NCALD: variants seen among roughly 807,000 people sequenced by gnomAD.
The protein encoded by NCALD is neurocalcin delta, also known as neurocalcin-delta.
A neutral mutation model predicts 18.6 loss-of-function variants in NCALD; 10 were observed. The observed-to-expected ratio is 0.54, with a 90% CI of 0.33 to 0.91. The LOEUF is 0.91. Ranked by LOEUF, NCALD falls within the 40% of genes least tolerant of loss-of-function variation. The pLI, the probability that NCALD is intolerant of heterozygous loss-of-function variation, is 0.03. For synonymous variants in NCALD, 88 were observed against 87.4 expected (o/e 1.01, Z -0.04); for missense variants, 184 against 247.6 (o/e 0.74, Z 1.72).
chr8:102,006,523 G>A (rs547707554), intron 2 of NCALD, among the ~76,000 whole-genome samples: 10 of 152,142 alleles, frequency 6.6e-5, no homozygotes, highest in African/African-American at 1.4e-4. Context: ...CTCTGTGCCC[G>A]GGAACAGTAT....
chr8:101,921,711 C>G (rs1818171310), intron 2 of NCALD, among the ~76,000 whole-genome samples: 1 of 152,132 alleles, frequency 6.6e-6, no homozygotes, highest in African/African-American at 2.4e-5. Context: ...TAATTTATTT[C>G]TAGTTCCAAC....
chr8:101,870,925 G>A (rs1402632677), intron 4 of NCALD, among the ~76,000 whole-genome samples: 4 of 114,454 alleles, frequency 3.5e-5, no homozygotes, highest in African/African-American at 1.1e-4. Context: ...AAGAGAGAAC[G>A]TTCATGAGTT....
intron 2 of NCALD, among the ~76,000 whole-genome samples, chr8:102,011,001 A>T (rs976611063): frequency 5.3e-5 from 8 of 152,198 alleles, no homozygotes; most frequent in African/African-American, 1.9e-4. Context: ...ACACAAGAGA[A>T]ATGTCACGTC....
intron 1 of NCALD, among the ~76,000 whole-genome samples, chr8:102,111,586 C>G (rs530315032): frequency 2.0e-5 from 3 of 152,216 alleles, no homozygotes; most frequent in Admixed American, 2.0e-4. Flanking sequence ...AAAGGAACCC[C>G]AGCCAGAGCA....
chr8:101,930,089 C>T (rs7839949), intron 2 of NCALD, among the ~76,000 whole-genome samples: 1 of 151,664 alleles, frequency 6.6e-6, no homozygotes, highest in African/African-American at 2.4e-5. Flanking sequence ...AAAAATTATG[C>T]TTACAAAATT....
chr8:102,013,302 T>C (rs897807489), intron 2 of NCALD, among the ~76,000 whole-genome samples: 1 of 152,186 alleles, frequency 6.6e-6, no homozygotes, highest in Non-Finnish European at 1.5e-5. Flanking sequence ...ATCAAAGTAA[T>C]AGGAGATGTC....
intron 1 of NCALD, among the ~76,000 whole-genome samples, chr8:101,745,668 G>A (rs117954899): frequency 4.6e-5 from 7 of 152,162 alleles, no homozygotes; most frequent in African/African-American, 1.7e-4. Context: ...ACAATCACCT[G>A]CAATGTGATA....
Position 101,909,280 on chromosome 8 carries a change from A to C in NCALD, c.-107+6529T>G, listed in dbSNP as rs1308696461. 3.3e-5 allele frequency among the ~76,000 whole-genome samples: 5 copies of C among 152,150 alleles called. No individual in the cohort carries two copies. In the South Asian group the frequency reaches 8.3e-4, roughly 25 times the overall value. ...GTAATTTTGTCTTTTGACAGGTTCC[A>C]CTCATACTTTTCAGCACTCCTCAGC... On this transcript the variant is annotated intron_variant, in intron 3 of 6. Transcript: ENST00000311028.
At chr8:101,738,291 C>A (rs1342504620) in intron 1 of NCALD, among the ~76,000 whole-genome samples, 1 of 152,144 alleles carries the variant, frequency 6.6e-6, no homozygotes, top group African/African-American at 2.4e-5. Context: ...TGCCTGTAAT[C>A]CCAGCACTTT....
intron 1 of NCALD, among the ~76,000 whole-genome samples, chr8:101,742,863 C>G (rs1223341933): frequency 1.3e-5 from 2 of 152,074 alleles, no homozygotes; most frequent in East Asian, 3.9e-4. Context: ...GTTGTTCCCC[C>G]TCCCCTGTGT....
At chr8:101,943,833 C>T (rs146925045) in intron 2 of NCALD, among the ~76,000 whole-genome samples, 2 of 151,848 alleles carry the variant, frequency 1.3e-5, no homozygotes, top group African/African-American at 4.8e-5. Context: ...CTCAGTTACT[C>T]GGGAGGCTGA....
chr8:101,851,833 T>G (rs1421916225), intron 4 of NCALD, among the ~76,000 whole-genome samples: 2 of 152,156 alleles, frequency 1.3e-5, no homozygotes. Context: ...TCTCAATATG[T>G]CCTTCCAAAA....
chr8:102,012,112 G>A (rs926845789), intron 2 of NCALD, among the ~76,000 whole-genome samples: 5 of 151,848 alleles, frequency 3.3e-5, no homozygotes, highest in Non-Finnish European at 7.4e-5. Flanking sequence ...TCCACACTGG[G>A]AATGCAGAAT....
chr8:102,090,503 G>A lies in NCALD; in HGVS notation c.-210+33734C>T, dbSNP rs200512722. Among the ~76,000 whole-genome samples, 13 of 152,140 alleles carry A rather than the reference G, an allele frequency of 8.5e-5. No individual in the cohort carries two copies. In the South Asian group the frequency reaches 1.0e-3, roughly 12 times the overall value. On this transcript the variant is annotated intron_variant, in intron 1 of 6. Coordinates refer to the NCALD transcript ENST00000311028. ...CAAGACTCTCATGGAGAGCTCAAACGTTCATGATAGAACAGGAGTTCTGTT... is the reference window on the plus strand; with the variant it reads ...CAAGACTCTCATGGAGAGCTCAAACATTCATGATAGAACAGGAGTTCTGTT...
intron 3 of NCALD, among the ~76,000 whole-genome samples, chr8:101,898,766 C>T (rs1238833028): frequency 6.6e-6 from 1 of 152,160 alleles, no homozygotes; most frequent in Non-Finnish European, 1.5e-5. Context: ...TAATTCCACA[C>T]AGTCTTGACT....
intron 4 of NCALD, among the ~76,000 whole-genome samples, chr8:101,811,961 T>A (rs1020576518): frequency 6.6e-6 from 1 of 152,224 alleles, no homozygotes; most frequent in African/African-American, 2.4e-5. Flanking sequence ...ACTGCACTGC[T>A]CTTTTTCTAT....
intron 2 of NCALD, among the ~76,000 whole-genome samples, chr8:101,917,288 G>A (rs1294855872): frequency 6.6e-6 from 1 of 151,978 alleles, no homozygotes; most frequent in Non-Finnish European, 1.5e-5. Flanking sequence ...GAAATTCTTT[G>A]AAATAAATGA....
chr8:101,899,743 T>C (rs1209163145), intron 3 of NCALD, among the ~76,000 whole-genome samples: 2 of 150,856 alleles, frequency 1.3e-5, no homozygotes, highest in Admixed American at 6.6e-5. Flanking sequence ...TTATGGCATA[T>C]AATTACCTTT....
intron 4 of NCALD, among the ~76,000 whole-genome samples, chr8:101,824,593 A>G (rs1050376193): frequency 2.0e-5 from 3 of 152,126 alleles, no homozygotes; most frequent in Admixed American, 2.0e-4. Flanking sequence ...CAAGCTGAAA[A>G]TGGCAAAGAA....
Sources: gnomAD v4.1 joint callset for allele counts (sites outside exome capture counted in the v4.1 genomes callset) on GRCh38, gnomAD v4.1.1 for gene constraint, MANE v1.5 for transcripts, NCBI Gene and HGNC (gene_info 2026-07-23, HGNC 2026-07-21) for gene names.